Variants in SPOP observed in about 807,000 individuals in gnomAD.
SPOP encodes speckle type BTB/POZ protein, also known as speckle-type POZ protein.
Under a neutral mutation model 45.6 loss-of-function variants are expected in SPOP, and 11 were observed. The observed-to-expected ratio is 0.24, with a 90% CI of 0.15 to 0.40. The LOEUF (loss-of-function observed/expected upper bound fraction) is 0.40. Among genes scored for constraint, SPOP ranks in the 10% least tolerant of loss-of-function variants. The pLI is 1.00. For missense variants in SPOP, 152 were observed against 465.6 expected, an observed-to-expected ratio of 0.33 and a Z score of 6.20; for synonymous variants, 166 against 166.3, an observed-to-expected ratio of 1.00 and a Z score of 0.01.
intron 7 of SPOP, 82 bp from the exon 8 acceptor site, chr17:49,607,454 T>C: frequency 6.6e-7 from 1 of 1,507,908 alleles, no homozygotes; most frequent in Middle Eastern, 1.8e-4. Flanking sequence ...TTTTAAGCTC[T>C]AGTGAGGAGA....
chr17:49,611,162 T>TGCA, intron 6 of SPOP, 118 bp downstream of exon 6: 1 of 1,072,154 alleles, frequency 9.3e-7, no homozygotes, highest in Non-Finnish European at 1.4e-6. Context: ...TATATTTAGC[T>TGCA]GCAGTTTGTT....
At chr17:49,673,709 T>A (rs1175722310) in intron 1 of SPOP, among the ~76,000 whole-genome samples, 1 of 152,200 alleles carries the variant, frequency 6.6e-6, no homozygotes, top group African/African-American at 2.4e-5. Context: ...CAGGAAGGCC[T>A]CCCAAATGAA....
chr17:49,610,598 AC>A (rs1186162710), intron 6 of SPOP, among the ~76,000 whole-genome samples: 1 of 152,226 alleles, frequency 6.6e-6, no homozygotes, highest in Non-Finnish European at 1.5e-5. Flanking sequence ...CTGAGGTTTT[AC>A]CAGGTGTGTA....
chr17:49,676,866 T>G (rs1221765300), intron 1 of SPOP, among the ~76,000 whole-genome samples: 1 of 152,240 alleles, frequency 6.6e-6, no homozygotes, highest in Admixed American at 6.5e-5. Context: ...TTTACATTTC[T>G]TTTTGTTATC....
rs533183366 is a variant in SPOP, at chr17:49,604,889, G to A, written c.837+2361C>T. Among the ~76,000 whole-genome samples, 130 of 152,326 alleles carry A rather than the reference G, an allele frequency of 8.5e-4. 1 individual carries two copies. The highest frequency in any genetic ancestry group is 3.4e-3 in the Middle Eastern group (1 of 294). On this transcript the variant is annotated intron_variant, in intron 8 of 9. Coordinates refer to ENST00000504102, the MANE Select transcript of SPOP (RefSeq NM_001007228.2). ...CTTGCAGGTGATCCTTGAGAAAAAG[G>A]ATTCCAGGGTTAACTAAATTGGAGA...
chr17:49,677,311 GAC>G (rs1339765216), intron 1 of SPOP, among the ~76,000 whole-genome samples: 1 of 152,226 alleles, frequency 6.6e-6, no homozygotes, highest in Non-Finnish European at 1.5e-5. Flanking sequence ...AAGATACAGT[GAC>G]AGTTTCAAAA....
At position 49,600,326 on chromosome 17, in the gene SPOP, A is replaced by G; in HGVS notation, c.*52T>C. On this transcript the variant is annotated 3_prime_UTR_variant, in exon 10 of 10. Coordinates refer to ENST00000504102, the MANE Select transcript of SPOP (RefSeq NM_001007228.2). The surrounding 1 kb of genome is among the most constrained non-coding windows in gnomAD (Gnocchi z 4.2). ...GTCTACCTGGTGGTCAGTGGCAGCA[A>G]CAGTGGCTGCTGCTTCTGGAAATTA... is the stretch of plus-strand genomic sequence containing the variant. 1 of 1,607,344 alleles carries G rather than the reference A, an allele frequency of 6.2e-7. No homozygotes were observed. Among genetic ancestry groups the G allele is most frequent in the Non-Finnish European group, 8.5e-7 (1 of 1,175,398 alleles).
intron 1 of SPOP, among the ~76,000 whole-genome samples, chr17:49,677,103 T>A (rs1311867999): frequency 6.6e-6 from 1 of 152,226 alleles, no homozygotes; most frequent in Non-Finnish European, 1.5e-5. Flanking sequence ...GTTCTGCGAA[T>A]TAAGAATTTT....
intron 1 of SPOP, among the ~76,000 whole-genome samples, chr17:49,626,515 C>T (rs891929275): frequency 6.6e-6 from 1 of 151,826 alleles, no homozygotes; most frequent in Non-Finnish European, 1.5e-5. Context: ...GCCAACATGG[C>T]GAAACCCCAT....
At chr17:49,633,953 G>A (rs1001373812) in intron 1 of SPOP, among the ~76,000 whole-genome samples, 3 of 151,696 alleles carry the variant, frequency 2.0e-5, no homozygotes, top group Non-Finnish European at 4.4e-5. Flanking sequence ...AATACCATCA[G>A]GTGACATGCT....
chr17:49,617,783 G>A (rs1323747228), intron 5 of SPOP, among the ~76,000 whole-genome samples: 8 of 151,956 alleles, frequency 5.3e-5, no homozygotes, highest in Non-Finnish European at 1.2e-4. Flanking sequence ...AATTAGCCAG[G>A]CCTGGTGGCA....
chr17:49,623,346 T>G (rs986561593), intron 1 of SPOP, among the ~76,000 whole-genome samples: 23 of 152,280 alleles, frequency 1.5e-4, no homozygotes, highest in South Asian at 2.1e-4. Flanking sequence ...GAGAAGACTA[T>G]CTAATGTAAA....
intron 1 of SPOP, among the ~76,000 whole-genome samples, chr17:49,672,751 G>A (rs2073152021): frequency 6.6e-6 from 1 of 151,880 alleles, no homozygotes; most frequent in Non-Finnish European, 1.5e-5. Flanking sequence ...GTTCGAGACT[G>A]GCCTAGCCAA....
intron 1 of SPOP, among the ~76,000 whole-genome samples, chr17:49,639,472 C>T (rs910383491): frequency 2.7e-5 from 4 of 149,286 alleles, no homozygotes; most frequent in African/African-American, 1.0e-4. Context: ...AAACTAGAAA[C>T]AATCAAAGTG....
chr17:49,640,594 G>A (rs2072628882), intron 1 of SPOP, among the ~76,000 whole-genome samples: 1 of 152,098 alleles, frequency 6.6e-6, no homozygotes, highest in Non-Finnish European at 1.5e-5. Flanking sequence ...AAAATCTTCT[G>A]AAAAAGCAAA....
Position 49,607,379 on chromosome 17 carries a change from C to A in SPOP, c.715-7G>T. The A allele has an allele frequency of 6.2e-7, 1 of 1,610,210 alleles. No individual in the cohort carries two copies. Among genetic ancestry groups the A allele is most frequent in the Non-Finnish European group, 8.5e-7 (1 of 1,178,200 alleles). Reference sequence around the variant, plus strand: ...CATTGATTTCAACTCGATTCTATGCCAGAAAAACTGAATATGAGAAACATT... The same window carrying A: ...CATTGATTTCAACTCGATTCTATGCAAGAAAAACTGAATATGAGAAACATT... On this transcript the variant is annotated splice_polypyrimidine_tract_variant and splice_region_variant and intron_variant, in intron 7 of 9. Coordinates refer to ENST00000504102, the MANE Select transcript of SPOP (RefSeq NM_001007228.2).
chr17:49,668,977 C>A (rs556462236), intron 1 of SPOP, among the ~76,000 whole-genome samples: 1 of 150,384 alleles, frequency 6.6e-6, no homozygotes. Context: ...GGGGTTTCAC[C>A]GCGTTAGCCA....
chr17:49,656,378 G>C (rs1415813879), intron 1 of SPOP, among the ~76,000 whole-genome samples: 1 of 152,144 alleles, frequency 6.6e-6, no homozygotes, highest in South Asian at 2.1e-4. Flanking sequence ...GCCACATCTA[G>C]ATACTGCTTT....
chr17:49,626,925 C>T (rs1459553084), intron 1 of SPOP, among the ~76,000 whole-genome samples: 1 of 152,080 alleles, frequency 6.6e-6, no homozygotes, highest in Non-Finnish European at 1.5e-5. Context: ...TCTTGGCTCA[C>T]TGCAAGCTCC....
Sources: gnomAD v4.1 joint callset for allele counts (sites outside exome capture counted in the v4.1 genomes callset) on GRCh38, gnomAD v4.1.1 for gene constraint, Gnocchi (gnomAD v3.1) non-coding constraint, MANE v1.5 for transcripts, NCBI Gene and HGNC (gene_info 2026-07-23, HGNC 2026-07-21) for gene names.